Variants in ZNF680 observed in about 807,000 individuals in gnomAD.
ZNF680 encodes zinc finger protein 680.
ZNF680 carries 6 observed loss-of-function variants against 12.1 expected under a neutral mutation model. The observed-to-expected ratio is 0.49, with a 90% CI of 0.27 to 0.98. The LOEUF (loss-of-function observed/expected upper bound fraction) is 0.98, where lower values mean the gene tolerates loss of function less well. ZNF680 is among the 50% of genes least tolerant of loss of function. The pLI is 0.12. For missense variants in ZNF680, 561 were observed against 616.3 expected (o/e 0.91, Z 0.95); for synonymous variants, 170 against 199.3 (o/e 0.85, Z 1.24).
chr7:64,524,056 G>C (rs1013046228), intron 3 of ZNF680, among the ~76,000 whole-genome samples: 7 of 148,234 alleles, frequency 4.7e-5, no homozygotes, highest in Non-Finnish European at 1.0e-4. Context: ...AGAAGAAGAG[G>C]TCAAAATATT....
intron 3 of ZNF680, among the ~76,000 whole-genome samples, chr7:64,532,231 G>A (rs1167646693): frequency 2.0e-5 from 3 of 151,822 alleles, no homozygotes; most frequent in Non-Finnish European, 4.4e-5. Context: ...CCTGAACCTG[G>A]GAGGCAGAGC....
chr7:64,552,418 C>T (rs1288760895), intron 1 of ZNF680, among the ~76,000 whole-genome samples: 1 of 152,140 alleles, frequency 6.6e-6, no homozygotes, highest in Non-Finnish European at 1.5e-5. Flanking sequence ...CATATTTGAG[C>T]TTGCAACACA....
chr7:64,553,102 G>A (rs1787170916), intron 1 of ZNF680, among the ~76,000 whole-genome samples: 1 of 150,628 alleles, frequency 6.6e-6, no homozygotes. Flanking sequence ...TCCAGCCTGG[G>A]GGACAAAGTA....
intron 1 of ZNF680, chr7:64,560,856 T>C (rs769938980): frequency 4.0e-5 from 6 of 151,658 alleles, no homozygotes; most frequent in Non-Finnish European, 8.8e-5. Context: ...CCTGTGACAA[T>C]TACTAAACTC....
chr7:64,552,795 CTTATAT>C (rs978838419), intron 1 of ZNF680, among the ~76,000 whole-genome samples: 31 of 152,126 alleles, frequency 2.0e-4, no homozygotes, highest in African/African-American at 5.3e-4. Flanking sequence ...ATGTCGTGGC[CTTATAT>C]TTATATTATT....
intron 1 of ZNF680, among the ~76,000 whole-genome samples, chr7:64,554,085 A>T (rs1223200098): frequency 1.6e-5 from 2 of 128,206 alleles, no homozygotes; most frequent in East Asian, 4.9e-4. Flanking sequence ...CCGGCCGCCC[A>T]GTCTGGGAAG....
chr7:64,525,995 T>G (rs1791821278), intron 3 of ZNF680: 1 of 984,970 alleles, frequency 1.0e-6, no homozygotes, highest in Non-Finnish European at 1.2e-6. Context: ...GTCTTAAATT[T>G]TACAGAGTTA....
chr7:64,509,246 T>C, the ZNF680 span, among the ~76,000 whole-genome samples: 1 of 152,190 alleles, frequency 6.6e-6, no homozygotes, highest in African/African-American at 2.4e-5. Flanking sequence ...TTTTTCTCCA[T>C]GGGGAGCCTT....
chr7:64,543,101 C>T (rs1786594136), intron 3 of ZNF680, among the ~76,000 whole-genome samples: 1 of 151,806 alleles, frequency 6.6e-6, no homozygotes, highest in African/African-American at 2.4e-5. Flanking sequence ...AATGAACTCC[C>T]TATCGAAATT....
chr7:64,533,490 C>T (rs1785994253), intron 3 of ZNF680, among the ~76,000 whole-genome samples: 1 of 152,114 alleles, frequency 6.6e-6, no homozygotes, highest in Non-Finnish European at 1.5e-5. Context: ...AGGAAAACTA[C>T]AAAACACTGC....
chr7:64,517,416 A>G (rs2116338829), downstream of ZNF680, among the ~76,000 whole-genome samples: 1 of 152,272 alleles, frequency 6.6e-6, no homozygotes, highest in East Asian at 1.9e-4. Context: ...GAAACCCTGA[A>G]CAGACCAATA....
the ZNF680 span, among the ~76,000 whole-genome samples, chr7:64,509,511 A>G: frequency 2.0e-5 from 3 of 152,232 alleles, no homozygotes; most frequent in South Asian, 6.2e-4. Flanking sequence ...AATTTTATGT[A>G]TAAAAGTTAA....
At chr7:64,504,466 T>A in the ZNF680 span, among the ~76,000 whole-genome samples, 46 of 152,338 alleles carry the variant, frequency 3.0e-4, no homozygotes, top group East Asian at 8.1e-3. Flanking sequence ...TGGAATTTGG[T>A]TTACGTTTAA....
At chr7:64,510,878 C>A in the ZNF680 span, among the ~76,000 whole-genome samples, 1 of 78,426 alleles carries the variant, frequency 1.3e-5, no homozygotes, top group African/African-American at 5.2e-5. Flanking sequence ...CCACTGCACT[C>A]CAGCCTGGGC....
At chr7:64,548,236 A>C (rs1171130210) in intron 1 of ZNF680, among the ~76,000 whole-genome samples, 1 of 152,276 alleles carries the variant, frequency 6.6e-6, no homozygotes, top group Non-Finnish European at 1.5e-5. Flanking sequence ...GTAATTTATT[A>C]GGACATAAAT....
rs769775041 is a variant in ZNF680 at position 64,522,227 on chromosome 7, TTTC to T, written c.524_526del (p.Arg175del). 1 of 1,612,434 alleles carries T rather than the reference TTTC, an allele frequency of 6.2e-7. No individual in the cohort carries two copies. The highest frequency in any genetic ancestry group is 1.1e-5 in the South Asian group (1 of 90,994). ...ACATTTGAAAACCTTCTTTCCAGTA[TTTC>T]TTTTCTTATGACTGTTTGAATTTGA... On this transcript the variant is annotated inframe_deletion, in exon 4 of 4. Coordinates refer to ENST00000309683, the MANE Select transcript of ZNF680 (RefSeq NM_178558.5).
At chr7:64,560,111 TTC>T (rs1445097610) in intron 1 of ZNF680, among the ~76,000 whole-genome samples, 3 of 119,760 alleles carry the variant, frequency 2.5e-5, no homozygotes, top group Middle Eastern at 5.7e-3. Context: ...TCATTTTCTT[TTC>T]TGTTTTTTTT....
chr7:64,561,099 A>G (rs1285208126), intron 1 of ZNF680: 2 of 152,280 alleles, frequency 1.3e-5, no homozygotes, highest in Non-Finnish European at 2.9e-5. Flanking sequence ...CCTCAATACC[A>G]GCATCTGATT....
intron 3 of ZNF680, among the ~76,000 whole-genome samples, chr7:64,528,764 A>G (rs1311209601): frequency 1.3e-5 from 2 of 152,136 alleles, no homozygotes; most frequent in East Asian, 3.9e-4. Context: ...CACAAAGGGC[A>G]TATACTCTAA....
Sources: allele counts gnomAD v4.1 joint callset (sites outside exome capture counted in the v4.1 genomes callset), GRCh38; gene constraint gnomAD v4.1.1; transcripts MANE v1.5; gene names NCBI Gene and HGNC (gene_info 2026-07-23, HGNC 2026-07-21).